The following MAPKAPK2 variants were observed in gnomAD, a reference collection of about 807,000 sequenced individuals.
MAPKAPK2 encodes the protein MAP kinase-activated protein kinase 2.
A neutral mutation model predicts 48.8 loss-of-function variants in MAPKAPK2; 9 were observed. The observed-to-expected ratio is 0.18, with a 90% confidence interval of 0.11 to 0.32. The LOEUF is 0.32. Ranked by LOEUF, MAPKAPK2 falls within the 10% of genes least tolerant of loss-of-function variation. The probability of loss-of-function intolerance (pLI) is 1.00; values close to 1 mark genes in which losing one functional copy is unlikely to be tolerated. For synonymous variants in MAPKAPK2, 202 were observed against 190.6 expected (o/e 1.06, Z -0.49); for missense variants, 331 against 498.3 (o/e 0.66, Z 3.20).
chr1:206,694,203 C>G (rs185824499), intron 1 of MAPKAPK2, among the ~76,000 whole-genome samples: 1 of 152,302 alleles, frequency 6.6e-6, no homozygotes, highest in East Asian at 1.9e-4. Context: ...TAGGAGGGCT[C>G]TATGTCTGCT....
At chr1:206,718,586 A>G (rs1422773818) in intron 1 of MAPKAPK2, among the ~76,000 whole-genome samples, 1 of 151,610 alleles carries the variant, frequency 6.6e-6, no homozygotes, top group East Asian at 1.9e-4. Flanking sequence ...AAAGTATTAT[A>G]TCATCTTGGT....
chr1:206,709,396 G>T (rs1673068470), intron 1 of MAPKAPK2, among the ~76,000 whole-genome samples: 1 of 152,174 alleles, frequency 6.6e-6, no homozygotes, highest in South Asian at 2.1e-4. Context: ...GCTGCTCGAT[G>T]TGATCTACAT....
chr1:206,730,870 G>C, intron 6 of MAPKAPK2, 107 bp downstream of exon 6: 1 of 1,251,536 alleles, frequency 8.0e-7, no homozygotes, highest in Admixed American at 1.8e-5. Context: ...TTGTACAGGG[G>C]AGTCCCCTGC....
rs140479798 is a variant in MAPKAPK2 at position 206,696,325 on chromosome 1, C to T, written c.279+10817C>T. ...GAACGCAAGGCACCTCTTTAGATATCGGATTGGACTGTAAATCCCCTGAAA... is the reference window on the plus strand; with the variant it reads ...GAACGCAAGGCACCTCTTTAGATATTGGATTGGACTGTAAATCCCCTGAAA... On this transcript the variant is annotated intron_variant, in intron 1 of 9. Transcript: ENST00000367103. The T allele has an allele frequency of 5.0e-3, 3,934 of 786,530 alleles. 22 individuals are homozygous for T. Among genetic ancestry groups the T allele is most frequent in the Non-Finnish European group, 7.0e-3 (3,081 of 437,244 alleles). The allele number at this position is 786,530 out of a possible 1,614,324, so 48.7% of individuals were successfully genotyped here. A position where few individuals can be genotyped will look rare whatever the true frequency, so the allele number is the denominator to read the frequency against.
At chr1:206,694,766 C>T (rs1451839339) in intron 1 of MAPKAPK2, among the ~76,000 whole-genome samples, 2 of 152,184 alleles carry the variant, frequency 1.3e-5, no homozygotes, top group African/African-American at 4.8e-5. Flanking sequence ...CTGCATGTGC[C>T]CTGCAGCTCA....
At chr1:206,691,733 G>A (rs959804798) in intron 1 of MAPKAPK2, among the ~76,000 whole-genome samples, 15 of 151,976 alleles carry the variant, frequency 9.9e-5, no homozygotes, top group Admixed American at 7.2e-4. Context: ...AGTAGAAGGC[G>A]GTGCTGCAGG....
At position 206,731,167 on chromosome 1, in the gene MAPKAPK2, A is replaced by G. The variant is rs782008886; in HGVS notation, c.797A>G (p.Asn266Ser). ...TGTGGGTATCCCCCCTTCTACTCCA[A>G]CCACGGCCTTGCCATCTCTCCGGGC... ...LLCGYPPFYS[N>S]HGLAISPGMK... Residue 266 changes from asparagine to serine, a missense_variant, in exon 7 of 10, where the codon AAC (asparagine) becomes AGC (serine). Asn to Ser is a conservative substitution (Grantham distance 46). This residue lies in a region of MAPKAPK2 where 124 missense variants were observed against 194.6 expected (regional missense o/e 0.64). Coordinates refer to ENST00000367103, the MANE Select transcript of MAPKAPK2 (RefSeq NM_032960.4). The surrounding 1 kb of genome is among the most constrained non-coding windows in gnomAD (Gnocchi z 5.9). The G allele has an allele frequency of 1.7e-5, 27 of 1,613,862 alleles. No individual in the cohort carries two copies. The East Asian group carries it at 4.0e-4, about 24-fold the overall frequency.
At chr1:206,695,725 CT>C (rs1231451571) in intron 1 of MAPKAPK2, 11 of 265,574 alleles carry the variant, frequency 4.1e-5, no homozygotes, top group South Asian at 1.2e-4. Flanking sequence ...TTTTATTTCT[CT>C]GTTTAAGTGC....
chr1:206,695,694 A>G (rs1489079495), intron 1 of MAPKAPK2: 3 of 246,228 alleles, frequency 1.2e-5, no homozygotes, highest in African/African-American at 7.0e-5. Context: ...TCCCCATCAA[A>G]CTTGCTGATA....
chr1:206,715,366 C>T (rs1358424870), intron 1 of MAPKAPK2, among the ~76,000 whole-genome samples: 6 of 152,184 alleles, frequency 3.9e-5, no homozygotes, highest in East Asian at 1.9e-4. Flanking sequence ...CTACTCCCTT[C>T]GGGCCTGTCC....
intron 1 of MAPKAPK2, among the ~76,000 whole-genome samples, chr1:206,724,692 G>T (rs543433325): frequency 6.6e-6 from 1 of 152,114 alleles, no homozygotes; most frequent in South Asian, 2.1e-4. Context: ...TTTCAGGATG[G>T]AAAGGACAGC....
chr1:206,699,958 T>TTCTCTCTCTC (rs59368306), intron 1 of MAPKAPK2, among the ~76,000 whole-genome samples: 3 of 150,226 alleles, frequency 2.0e-5, no homozygotes, highest in Non-Finnish European at 4.4e-5. Context: ...TTTCGTTTCT[T>TTCTCTCTCTC]TCTCTCTCTC....
intron 1 of MAPKAPK2, among the ~76,000 whole-genome samples, chr1:206,717,677 G>T (rs1673378291): frequency 6.6e-6 from 1 of 152,170 alleles, no homozygotes; most frequent in South Asian, 2.1e-4. Flanking sequence ...TCTCATCTGT[G>T]CTCTCCTGCC....
At chr1:206,697,188 T>C (rs1396864884) in intron 1 of MAPKAPK2, among the ~76,000 whole-genome samples, 4 of 152,166 alleles carry the variant, frequency 2.6e-5, no homozygotes, top group Admixed American at 2.6e-4. Flanking sequence ...GAGGGACAGA[T>C]GTGGAGCTTG....
chr1:206,732,813 C>T lies in MAPKAPK2; in HGVS notation c.*95C>T, dbSNP rs1673969798. On this transcript the variant is annotated 3_prime_UTR_variant, in exon 10 of 10. Coordinates refer to ENST00000367103, the MANE Select transcript of MAPKAPK2 (RefSeq NM_032960.4). This position sits in a 1 kb window ranked among gnomAD's most constrained non-coding sequence, Gnocchi z 4.4. The stretch of plus-strand genomic sequence containing the variant: ...GAGACAGAACTGTCCACATCTGCCT[C>T]CTCTCCTCCTCAGCTGCATGGAGCC... 1.2e-5 allele frequency: 17 copies of T among 1,384,302 alleles called. No homozygotes were observed. The South Asian group carries it at 2.3e-4, about 18-fold the overall frequency. The allele number at this position is 1,384,302 out of a possible 1,614,324, so 85.8% of individuals were successfully genotyped here. A position where few individuals can be genotyped will look rare whatever the true frequency, so the allele number is the denominator to read the frequency against.
At chr1:206,693,981 T>G (rs1672536208) in intron 1 of MAPKAPK2, among the ~76,000 whole-genome samples, 1 of 152,144 alleles carries the variant, frequency 6.6e-6, no homozygotes, top group Non-Finnish European at 1.5e-5. Context: ...TATTGATGTG[T>G]GTCCATGGAG....
In MAPKAPK2 at chr1:206,715,629, CT is replaced by C. The variant is rs11349381; in HGVS notation, c.280-13066del. On this transcript the variant is annotated intron_variant, in intron 1 of 9. Coordinates refer to ENST00000367103, the MANE Select transcript of MAPKAPK2 (RefSeq NM_032960.4). ...GTTTTTTTTTTCTTTTTCTTTCTTTCTTTTTTTTTTTTTTTGAGATAGGGTC... is the reference window on the plus strand; with the variant it reads ...GTTTTTTTTTTCTTTTTCTTTCTTTCTTTTTTTTTTTTTTGAGATAGGGTC... 8.2e-3 allele frequency among the ~76,000 whole-genome samples: 1,083 copies of C among 131,462 alleles called. 8 individuals carry two copies. Among genetic ancestry groups the C allele is most frequent in the African/African-American group, 0.024 (828 of 35,026 alleles). The allele number at this position is 131,462 out of a possible 152,430, so 86.2% of individuals were successfully genotyped here.
chr1:206,716,322 G>C (rs1553430364), intron 1 of MAPKAPK2, among the ~76,000 whole-genome samples: 1 of 152,038 alleles, frequency 6.6e-6, no homozygotes, highest in African/African-American at 2.4e-5. Context: ...CTTGTGTCTG[G>C]GCCATTTCTC....
chr1:206,695,450 GTTTTT>G (rs797043593), intron 1 of MAPKAPK2, among the ~76,000 whole-genome samples: 1 of 123,008 alleles, frequency 8.1e-6, no homozygotes, highest in African/African-American at 2.9e-5. Flanking sequence ...GCCCTGATCT[GTTTTT>G]TTTTTTTTTT....
Sources: gnomAD v4.1 joint callset for allele counts (sites outside exome capture counted in the v4.1 genomes callset) on GRCh38, gnomAD v4.1.1 for gene constraint, gnomAD v4.1.1 regional missense constraint, Gnocchi (gnomAD v3.1) non-coding constraint, MANE v1.5 for transcripts, NCBI Gene and HGNC (gene_info 2026-07-23, HGNC 2026-07-21) for gene names.